Variants in PSME4 observed in about 807,000 individuals in gnomAD.
The protein encoded by PSME4 is proteasome activator subunit 4, also known as proteasome activator complex subunit 4.
Under a neutral mutation model 253.9 loss-of-function variants are expected in PSME4, and 89 were observed. The observed-to-expected ratio is 0.35, with a 90% CI of 0.30 to 0.42. The LOEUF is 0.42. PSME4 is among the 10% of genes least tolerant of loss of function. PSME4 has a pLI of 1.00. For synonymous variants in PSME4, 851 were observed against 759.2 expected, an observed-to-expected ratio of 1.12 and a Z score of -1.99; for missense variants, 2,014 against 2,195.2, an observed-to-expected ratio of 0.92 and a Z score of 1.65.
intron 26 of PSME4, 107 bp downstream of exon 26, chr2:53,906,491 C>T: frequency 7.3e-7 from 1 of 1,365,946 alleles, no homozygotes; most frequent in Non-Finnish European, 9.6e-7. Context: ...GAGAATAATT[C>T]CAATTATGGG....
intron 8 of PSME4, among the ~76,000 whole-genome samples, chr2:53,933,345 T>C (rs544753232): frequency 4.5e-4 from 55 of 120,940 alleles, no homozygotes; most frequent in African/African-American, 1.7e-3. Flanking sequence ...GCTACTGCAC[T>C]CCAGCCTGGG....
intron 20 of PSME4, among the ~76,000 whole-genome samples, chr2:53,915,902 C>T (rs936805405): frequency 2.0e-5 from 3 of 152,006 alleles, no homozygotes; most frequent in African/African-American, 7.2e-5. Context: ...GAAACCCTAT[C>T]TCTACTAAAA....
At chr2:53,906,955 C>A (rs892796425) in intron 24 of PSME4, 87 bp from the exon 25 acceptor site, 6 of 1,189,166 alleles carry the variant, frequency 5.0e-6, no homozygotes, top group African/African-American at 4.6e-5. Flanking sequence ...AATAAGTGGT[C>A]AAAAAGGTCC....
chr2:53,929,178 A>G (rs557375036), intron 10 of PSME4, among the ~76,000 whole-genome samples: 4 of 151,934 alleles, frequency 2.6e-5, no homozygotes, highest in Non-Finnish European at 5.9e-5. Flanking sequence ...AAAAAAACCA[A>G]AAGAACATCA....
chr2:53,918,312 A>G (rs1365681257), intron 20 of PSME4, among the ~76,000 whole-genome samples: 2 of 152,182 alleles, frequency 1.3e-5, no homozygotes, highest in Non-Finnish European at 2.9e-5. Flanking sequence ...CTGTTTAATA[A>G]TTAAGCTAAA....
At position 53,888,122 on chromosome 2, in the gene PSME4, CA is replaced by C. The variant is rs1246871747; in HGVS notation, c.4389-134del. The C allele has an allele frequency of 3.5e-6, 3 of 846,138 alleles. No individual in the cohort carries two copies. In the African/African-American group the frequency reaches 5.3e-5, roughly 15 times the overall value. The allele number at this position is 846,138 out of a possible 1,614,324, so 52.4% of individuals were successfully genotyped here. A position where few individuals can be genotyped will look rare whatever the true frequency, so the allele number is the denominator to read the frequency against. On this transcript the variant is annotated intron_variant, in intron 38 of 46. Transcript: ENST00000404125. Reference sequence around the variant, plus strand: ...CACTTAATAAATACTACAATATCCACAACTCAAAATAGCCTCTTTATGAAGA... The same window carrying C: ...CACTTAATAAATACTACAATATCCACACTCAAAATAGCCTCTTTATGAAGA...
At chr2:53,930,017 C>CTAAA (rs914316004) in intron 10 of PSME4, among the ~76,000 whole-genome samples, 9 of 151,198 alleles carry the variant, frequency 6.0e-5, no homozygotes, top group African/African-American at 2.2e-4. Flanking sequence ...GAGTCTGTCT[C>CTAAA]TAAATAAATA....
chr2:53,923,080 G>C lies in PSME4; in HGVS notation c.1947C>G (p.His649Gln), dbSNP rs1187925673. Residue 649 changes from histidine to glutamine, a missense_variant, in exon 16 of 47, where the codon CAC (histidine) becomes CAG (glutamine). By Grantham distance (24) the His-to-Gln change is conservative (BLOSUM62 0). Coordinates refer to ENST00000404125, the MANE Select transcript of PSME4 (RefSeq NM_014614.3). ...PEESLKLFVP[H>Q]CCSVITQLTM... The stretch of plus-strand genomic sequence containing the variant: ...TAAGCTGAGTTATAACACTGCAGCA[G>C]TGGGGAACAAAGAGCTTCAAAGATT... The C allele has an allele frequency of 1.1e-5, 18 of 1,607,368 alleles. No individual in the cohort carries two copies. Among genetic ancestry groups the C allele is most frequent in the Non-Finnish European group, 1.5e-5 (18 of 1,175,956 alleles).
chr2:53,965,454 C>T (rs752220964), intron 1 of PSME4, among the ~76,000 whole-genome samples: 1 of 151,886 alleles, frequency 6.6e-6, no homozygotes, highest in Admixed American at 6.6e-5. Context: ...GAACTCCTGA[C>T]CTCAAGTAAT....
chr2:53,928,276 T>G lies in PSME4; in HGVS notation c.1344A>C (p.Thr448=), dbSNP rs2104457022. ...ERTYPALETL[T]EPHQLTATLS... is the part of the protein sequence containing the mutation. Reference sequence around the variant, plus strand: ...AAGTAGCTGTGAGCTGGTGAGGTTCTGTTAATGTCTCTAATGCAGGATATG... The same window carrying G: ...AAGTAGCTGTGAGCTGGTGAGGTTCGGTTAATGTCTCTAATGCAGGATATG... Residue 448 remains threonine (T), a synonymous_variant, in exon 11 of 47, where the codon ACA becomes ACC. Coordinates refer to ENST00000404125, the MANE Select transcript of PSME4 (RefSeq NM_014614.3). 2 of 1,614,176 alleles carry G rather than the reference T, an allele frequency of 1.2e-6. No homozygotes were observed. The highest frequency in any genetic ancestry group is 1.6e-4 in the Middle Eastern group (1 of 6,062).
At chr2:53,874,194 A>C in intron 43 of PSME4, 145 bp downstream of exon 43, 1 of 783,586 alleles carries the variant, frequency 1.3e-6, no homozygotes, top group Non-Finnish European at 2.0e-6. Flanking sequence ...TCCTGGCATC[A>C]AGTGATCTCA....
intron 6 of PSME4, 59 bp from the exon 7 acceptor site, chr2:53,936,220 A>G: frequency 6.2e-7 from 1 of 1,602,954 alleles, no homozygotes; most frequent in Non-Finnish European, 8.5e-7. Context: ...TAAGTGTCAT[A>G]GTCACACCCC....
chr2:53,925,625 T>C lies in PSME4; in HGVS notation c.1723A>G (p.Met575Val), dbSNP rs1204860980. ...QTREETETEKMTHLESLVELG... is the reference protein window; with the variant it reads ...QTREETETEKVTHLESLVELG... ...TCGACCAAACTCTCCAAGTGTGTCATTTTCTCAGTTTCTGTCTCTTCTCTT... is the reference window on the plus strand; with the variant it reads ...TCGACCAAACTCTCCAAGTGTGTCACTTTCTCAGTTTCTGTCTCTTCTCTT... Residue 575 changes from methionine (M) to valine (V), a missense_variant, in exon 14 of 47, where the codon ATG becomes GTG. Around this residue, in one of 4 missense-constraint regions of PSME4, gnomAD observed 989 missense variants for 1,021.1 expected, o/e 0.97. Coordinates refer to ENST00000404125, the MANE Select transcript of PSME4 (RefSeq NM_014614.3). 1 of 1,611,400 alleles carries C rather than the reference T, an allele frequency of 6.2e-7. No homozygotes were observed. Among genetic ancestry groups the C allele is most frequent in the Non-Finnish European group, 8.5e-7 (1 of 1,177,686 alleles).
At chr2:53,943,826 C>T (rs1313534580) in intron 3 of PSME4, among the ~76,000 whole-genome samples, 6 of 63,652 alleles carry the variant, frequency 9.4e-5, no homozygotes, top group African/African-American at 4.2e-4. Context: ...TGGGCAACAA[C>T]AGCAAAAAAA....
chr2:53,927,552 C>T lies in PSME4; in HGVS notation c.1504-69G>A, dbSNP rs181445149. The T allele has an allele frequency of 4.0e-3, 4,350 of 1,094,378 alleles. 8 individuals carry two copies. The highest frequency in any genetic ancestry group is 5.1e-3 in the Non-Finnish European group (3,664 of 716,344). 67.8% of individuals were successfully genotyped at this position (1,094,378 alleles called of 1,614,324 possible). ...TTCAGAAATACAAGTATACCATGAA[C>T]TACAATAAATTACCCCAATAAATTA... On this transcript the variant is annotated intron_variant, in intron 11 of 46. Transcript: ENST00000404125.
At chr2:53,960,034 A>T (rs184485368) in intron 1 of PSME4, among the ~76,000 whole-genome samples, 25 of 152,330 alleles carry the variant, frequency 1.6e-4, no homozygotes, top group Non-Finnish European at 2.9e-4. Flanking sequence ...AAGTTTAGAA[A>T]GCTGTCATCA....
intron 36 of PSME4, among the ~76,000 whole-genome samples, chr2:53,890,570 G>A (rs905368879): frequency 2.0e-5 from 3 of 152,200 alleles, no homozygotes; most frequent in Admixed American, 1.3e-4. Flanking sequence ...GCCTCCCAAA[G>A]TGCTGGAATT....
In PSME4 at chr2:53,932,518, C is replaced by T. The variant is rs996281227; in HGVS notation, c.1050+150G>A. The stretch of plus-strand genomic sequence containing the variant: ...TTTATTTAATTTATATGCTCTCCCA[C>T]ACAGTAATTTAATTTAAATGTAAGC... On this transcript the variant is annotated intron_variant, in intron 9 of 46. Coordinates refer to ENST00000404125, the MANE Select transcript of PSME4 (RefSeq NM_014614.3). 1.5e-5 allele frequency: 10 copies of T among 668,408 alleles called. No individual in the cohort carries two copies. The African/African-American group carries it at 1.6e-4, about 11-fold the overall frequency. 41.4% of individuals were successfully genotyped at this position (668,408 alleles called of 1,614,324 possible).
chr2:53,940,117 A>G, intron 3 of PSME4, 117 bp from the exon 4 acceptor site: 1 of 757,586 alleles, frequency 1.3e-6, no homozygotes, highest in Non-Finnish European at 2.0e-6. Context: ...GTTTACATGT[A>G]ATAATTGAGC....
Sources: allele counts gnomAD v4.1 joint callset (sites outside exome capture counted in the v4.1 genomes callset), GRCh38; gene constraint gnomAD v4.1.1; regional missense constraint gnomAD v4.1.1; transcripts MANE v1.5; gene names NCBI Gene and HGNC (gene_info 2026-07-23, HGNC 2026-07-21).